The following ADARB1 variants were observed in gnomAD, a reference collection of about 807,000 sequenced individuals.
ADARB1 encodes the protein adenosine deaminase RNA specific B1.
A neutral mutation model predicts 52.4 loss-of-function variants in ADARB1; 10 were observed. The ratio of observed to expected loss-of-function variants is 0.19; its 90% confidence interval spans 0.12 to 0.32. ADARB1 has a LOEUF of 0.32. Among genes scored for constraint, ADARB1 ranks in the 10% least tolerant of loss-of-function variants. ADARB1 has a pLI of 1.00. For missense variants in ADARB1, 643 were observed against 922.3 expected, an observed-to-expected ratio of 0.70 and a Z score of 3.92; for synonymous variants, 349 against 371.1, an observed-to-expected ratio of 0.94 and a Z score of 0.68.
At chr21:45,205,970 G>A (rs1226954290) in intron 9 of ADARB1, among the ~76,000 whole-genome samples, 7 of 152,170 alleles carry the variant, frequency 4.6e-5, no homozygotes, top group Admixed American at 3.9e-4. Flanking sequence ...ACATGAAGGA[G>A]GCAGGGATGG....
At chr21:45,195,014 G>T (rs950229507) in intron 8 of ADARB1, among the ~76,000 whole-genome samples, 1 of 152,182 alleles carries the variant, frequency 6.6e-6, no homozygotes, top group Non-Finnish European at 1.5e-5. Context: ...CAAAGTGGCT[G>T]CACTGTTTTG....
intron 1 of ADARB1, among the ~76,000 whole-genome samples, chr21:45,111,132 C>T (rs2087514871): frequency 6.6e-6 from 1 of 152,164 alleles, no homozygotes; most frequent in Non-Finnish European, 1.5e-5. Context: ...GTGCCTTCCA[C>T]CCAGGCCAGC....
intron 1 of ADARB1, among the ~76,000 whole-genome samples, chr21:45,109,890 A>G (rs187257363): frequency 8.5e-5 from 13 of 152,300 alleles, no homozygotes; most frequent in Admixed American, 8.5e-4. Flanking sequence ...TTTCAGCCAC[A>G]CTGGGAGGCG....
chr21:45,114,605 C>G (rs561842191), intron 1 of ADARB1, among the ~76,000 whole-genome samples: 3 of 152,338 alleles, frequency 2.0e-5, no homozygotes, highest in African/African-American at 4.8e-5. Flanking sequence ...AAGAGCTTAT[C>G]TGGCTCTCCC....
At chr21:45,086,092 A>G (rs77221014) in intron 1 of ADARB1, among the ~76,000 whole-genome samples, 2 of 152,342 alleles carry the variant, frequency 1.3e-5, no homozygotes, top group East Asian at 3.9e-4. Context: ...GATTTGCCAG[A>G]CACTGCTTGC....
chr21:45,099,418 G>T (rs921942347), intron 1 of ADARB1, among the ~76,000 whole-genome samples: 2 of 152,022 alleles, frequency 1.3e-5, no homozygotes, highest in Non-Finnish European at 2.9e-5. Flanking sequence ...TAATCCCAGC[G>T]CTTTGGGAGG....
intron 1 of ADARB1, among the ~76,000 whole-genome samples, chr21:45,078,630 C>T (rs761371173): frequency 3.3e-5 from 5 of 152,192 alleles, no homozygotes; most frequent in Admixed American, 6.5e-5. Flanking sequence ...GAGGCCATTG[C>T]TGCCAGAGAG....
intron 2 of ADARB1, chr21:45,152,656 C>T (rs1471937344): frequency 1.3e-5 from 6 of 450,638 alleles, no homozygotes; most frequent in Admixed American, 7.1e-5. Flanking sequence ...CCTTTTTCAG[C>T]ATCATGGGGC....
chr21:45,210,038 C>T (rs1282458180), intron 9 of ADARB1, among the ~76,000 whole-genome samples: 2 of 152,200 alleles, frequency 1.3e-5, no homozygotes, highest in Non-Finnish European at 2.9e-5. Context: ...GAGCTCATGC[C>T]TGGCCCACTT....
At chr21:45,131,957 G>C (rs902189485) in intron 2 of ADARB1, among the ~76,000 whole-genome samples, 3 of 152,236 alleles carry the variant, frequency 2.0e-5, no homozygotes, top group African/African-American at 7.2e-5. Flanking sequence ...GGCAGTCCGG[G>C]TGGATGGTCA....
chr21:45,135,093 C>T (rs1311688234), intron 2 of ADARB1, among the ~76,000 whole-genome samples: 1 of 152,202 alleles, frequency 6.6e-6, no homozygotes, highest in Non-Finnish European at 1.5e-5. Flanking sequence ...AAGTGGTCTG[C>T]AAAGCCAAAG....
chr21:45,144,886 G>T (rs958665899), intron 2 of ADARB1: 1 of 212,664 alleles, frequency 4.7e-6, no homozygotes, highest in Non-Finnish European at 9.8e-6. Flanking sequence ...CATTTTTGAT[G>T]TTAGGAAGAT....
At chr21:45,164,104 G>A (rs1330690070) in intron 2 of ADARB1, among the ~76,000 whole-genome samples, 1 of 152,192 alleles carries the variant, frequency 6.6e-6, no homozygotes, top group Non-Finnish European at 1.5e-5. Flanking sequence ...ACCAACACAT[G>A]GCCCTGTTTT....
intron 1 of ADARB1, among the ~76,000 whole-genome samples, chr21:45,109,338 G>GCACGTGTGTGTC (rs1047835798): frequency 2.0e-5 from 3 of 152,258 alleles, no homozygotes; most frequent in Admixed American, 6.5e-5. Flanking sequence ...ATATGTGTGT[G>GCACGTGTGTGTC]CACGTGTGTG....
intron 8 of ADARB1, among the ~76,000 whole-genome samples, chr21:45,187,412 A>T (rs574497723): frequency 6.6e-6 from 1 of 152,134 alleles, no homozygotes; most frequent in Non-Finnish European, 1.5e-5. Flanking sequence ...AGTTTTATGG[A>T]ATCTTTAGGG....
At chr21:45,182,778 C>A (rs1452672843) in intron 6 of ADARB1, 25 bp downstream of exon 6, 3 of 1,533,752 alleles carry the variant, frequency 2.0e-6, no homozygotes, top group African/African-American at 2.8e-5. Context: ...CAAATAAGGA[C>A]AGGAAGCTCT....
At chr21:45,086,229 A>G (rs1365066466) in intron 1 of ADARB1, among the ~76,000 whole-genome samples, 1 of 152,248 alleles carries the variant, frequency 6.6e-6, no homozygotes, top group East Asian at 1.9e-4. Flanking sequence ...GAAACAATGC[A>G]AATTGCAAGT....
chr21:45,107,869 C>A (rs994565498), intron 1 of ADARB1, among the ~76,000 whole-genome samples: 1 of 152,072 alleles, frequency 6.6e-6, no homozygotes, highest in Non-Finnish European at 1.5e-5. Flanking sequence ...TGCGACCAGC[C>A]TGGGCAACAT....
At chr21:45,149,483 T>C (rs1003693233) in intron 2 of ADARB1, among the ~76,000 whole-genome samples, 2 of 152,264 alleles carry the variant, frequency 1.3e-5, no homozygotes, top group African/African-American at 4.8e-5. Flanking sequence ...GCCAGTGCAC[T>C]ATTGATACAA....
Sources: allele counts gnomAD v4.1 joint callset (sites outside exome capture counted in the v4.1 genomes callset), GRCh38; gene constraint gnomAD v4.1.1; transcripts MANE v1.5; gene names NCBI Gene and HGNC (gene_info 2026-07-23, HGNC 2026-07-21).